PPM1H: variants seen among roughly 807,000 people sequenced by gnomAD.
PPM1H encodes the protein protein phosphatase, Mg2+/Mn2+ dependent 1H, also known as protein phosphatase 1H.
A neutral mutation model predicts 54.9 loss-of-function variants in PPM1H; 27 were observed. That is an observed-to-expected ratio of 0.49 (90% CI 0.36 to 0.68). The LOEUF is 0.68. Among genes scored for constraint, PPM1H ranks in the 30% least tolerant of loss-of-function variants. The pLI is 0.00. For missense variants in PPM1H, 596 were observed against 667.8 expected (o/e 0.89, Z 1.19); for synonymous variants, 305 against 270.8 (o/e 1.13, Z -1.24).
At chr12:62,813,419 C>T (rs1044963587) in intron 2 of PPM1H, among the ~76,000 whole-genome samples, 1 of 152,162 alleles carries the variant, frequency 6.6e-6, no homozygotes, top group Non-Finnish European at 1.5e-5. Flanking sequence ...CTGGCGCCCT[C>T]GCGTGGTACG....
chr12:62,896,642 A>G (rs1329420700), intron 1 of PPM1H, among the ~76,000 whole-genome samples: 1 of 152,210 alleles, frequency 6.6e-6, no homozygotes, highest in African/African-American at 2.4e-5. Flanking sequence ...ACGCTTTTAC[A>G]CTGTTGGTGG....
chr12:62,667,983 C>T (rs996543108), intron 8 of PPM1H, among the ~76,000 whole-genome samples: 1 of 152,172 alleles, frequency 6.6e-6, no homozygotes, highest in Non-Finnish European at 1.5e-5. Flanking sequence ...GTTTCAGGAG[C>T]CTCAACTGAG....
chr12:62,736,776 A>G (rs2076351887), intron 5 of PPM1H, among the ~76,000 whole-genome samples: 1 of 152,212 alleles, frequency 6.6e-6, no homozygotes, highest in South Asian at 2.1e-4. Flanking sequence ...CAGAACTATG[A>G]TTCACAGGGT....
intron 1 of PPM1H, among the ~76,000 whole-genome samples, chr12:62,838,130 C>G (rs12310765): frequency 0.11 from 17,135 of 152,168 alleles, 1,833 homozygotes; most frequent in African/African-American, 0.28. Context: ...AGAGAATCTT[C>G]TTTTGTGGTT....
At chr12:62,821,800 CA>C (rs2076904618) in intron 2 of PPM1H, among the ~76,000 whole-genome samples, 1 of 152,168 alleles carries the variant, frequency 6.6e-6, no homozygotes, top group African/African-American at 2.4e-5. Flanking sequence ...CCAGCCACTG[CA>C]AAAACATGCC....
At chr12:62,671,128 C>G (rs1376401697) in intron 8 of PPM1H, among the ~76,000 whole-genome samples, 4 of 152,170 alleles carry the variant, frequency 2.6e-5, no homozygotes, top group Non-Finnish European at 4.4e-5. Flanking sequence ...CCCACATCCT[C>G]AAAGTTCCCC....
At chr12:62,831,191 T>C (rs1006221570) in intron 2 of PPM1H, among the ~76,000 whole-genome samples, 2 of 152,232 alleles carry the variant, frequency 1.3e-5, no homozygotes, top group Admixed American at 6.5e-5. Flanking sequence ...AAAAGATTCC[T>C]AGATCTTTTA....
chr12:62,672,437 A>G (rs1398292963), intron 8 of PPM1H, among the ~76,000 whole-genome samples: 4 of 152,184 alleles, frequency 2.6e-5, no homozygotes, highest in African/African-American at 9.7e-5. Context: ...TCTCTTCTAA[A>G]AGACTAGATA....
chr12:62,749,276 A>C (rs560862653), intron 4 of PPM1H, among the ~76,000 whole-genome samples: 92 of 152,344 alleles, frequency 6.0e-4, no homozygotes, highest in South Asian at 2.1e-3. Flanking sequence ...CTTTCAGCTG[A>C]AAGTGATTCG....
At chr12:62,688,718 A>G (rs342166) in intron 8 of PPM1H, among the ~76,000 whole-genome samples, 59,815 of 152,076 alleles carry the variant, frequency 0.39, 14,880 homozygotes, top group African/African-American at 0.69. Flanking sequence ...TGATCAGGCC[A>G]GGTGTGGTAG....
chr12:62,736,249 G>A (rs936120050), intron 5 of PPM1H, among the ~76,000 whole-genome samples: 26 of 152,176 alleles, frequency 1.7e-4, no homozygotes, highest in Admixed American at 7.2e-4. Context: ...GATAAACCGA[G>A]GTCAGGAAAG....
intron 4 of PPM1H, among the ~76,000 whole-genome samples, chr12:62,758,478 T>C (rs1030071089): frequency 6.6e-6 from 1 of 152,236 alleles, no homozygotes; most frequent in Non-Finnish European, 1.5e-5. Context: ...AATTTAAAGA[T>C]GACCTACAAT....
intron 2 of PPM1H, among the ~76,000 whole-genome samples, chr12:62,810,777 A>C (rs938028643): frequency 2.6e-4 from 39 of 152,218 alleles, no homozygotes; most frequent in Non-Finnish European, 5.7e-4. Flanking sequence ...ATGTACTACT[A>C]TGTGACCTTG....
chr12:62,771,595 G>T (rs575668304), intron 4 of PPM1H, among the ~76,000 whole-genome samples: 3 of 152,076 alleles, frequency 2.0e-5, no homozygotes, highest in Non-Finnish European at 4.4e-5. Flanking sequence ...ATTTCACCTT[G>T]CATCATGTAT....
intron 9 of PPM1H, among the ~76,000 whole-genome samples, chr12:62,663,358 A>G (rs1308835216): frequency 2.0e-5 from 3 of 152,016 alleles, no homozygotes; most frequent in East Asian, 1.9e-4. Flanking sequence ...TATAAAATAT[A>G]TATGTAAAGG....
intron 1 of PPM1H, among the ~76,000 whole-genome samples, chr12:62,899,215 ATC>A (rs1006703538): frequency 3.9e-5 from 6 of 152,106 alleles, no homozygotes; most frequent in African/African-American, 1.4e-4. Flanking sequence ...TTTATTAGCT[ATC>A]TGACAGCCTG....
At chr12:62,653,451 C>T (rs914818502) in intron 9 of PPM1H, among the ~76,000 whole-genome samples, 2 of 152,142 alleles carry the variant, frequency 1.3e-5, no homozygotes, top group Non-Finnish European at 1.5e-5. Flanking sequence ...AGTGTTTCAC[C>T]GTTGTGAATT....
In PPM1H at chr12:62,720,184, T is replaced by C; in HGVS notation, c.1060A>G (p.Asn354Asp). ...LGKKMLYRDF[N>D]MTGWAYKTIE... ...GCATGTTCTTACCAGCCTGTCATAT[T>C]AAAGTCCCTGTAGAGCATCTTCTTT... The change falls in exon 6 of 10, where the codon AAT (asparagine) becomes GAT (aspartate). Residue 354 changes from asparagine (N) to aspartate (D), a missense_variant. By Grantham distance (23) the Asn-to-Asp change is conservative. This residue lies in a region of PPM1H where 208 missense variants were observed against 259.5 expected (regional missense o/e 0.80). Transcript: ENST00000228705. The C allele has an allele frequency of 6.2e-7, 1 of 1,605,622 alleles. No homozygotes were observed. Among genetic ancestry groups the C allele is most frequent in the Non-Finnish European group, 8.5e-7 (1 of 1,172,286 alleles).
intron 1 of PPM1H, among the ~76,000 whole-genome samples, chr12:62,932,641 T>TTTTTTTTTTTG (rs1872181245): frequency 7.5e-6 from 1 of 133,074 alleles, no homozygotes; most frequent in African/African-American, 2.8e-5. Flanking sequence ...TTTTTTTTTT[T>TTTTTTTTTTTG]TTTTTTTTTT....
Sources: gnomAD v4.1 joint callset for allele counts (sites outside exome capture counted in the v4.1 genomes callset) on GRCh38, gnomAD v4.1.1 for gene constraint, gnomAD v4.1.1 regional missense constraint, MANE v1.5 for transcripts, NCBI Gene and HGNC (gene_info 2026-07-23, HGNC 2026-07-21) for gene names.